Variants in PARP15 observed in about 807,000 individuals in gnomAD.
PARP15 encodes the protein protein mono-ADP-ribosyltransferase PARP15.
PARP15 carries 50 observed loss-of-function variants against 62.1 expected under a neutral mutation model. That is an observed-to-expected ratio of 0.81 (90% CI 0.64 to 1.02). The LOEUF is 1.02. PARP15 is among the 50% of genes least tolerant of loss of function. The pLI is 0.00. For synonymous variants in PARP15, 309 were observed against 293.1 expected, an observed-to-expected ratio of 1.05 and a Z score of -0.55; for missense variants, 820 against 826.5, an observed-to-expected ratio of 0.99 and a Z score of 0.10.
rs780268694 is a variant in PARP15, at chr3:122,615,821, A to G, written c.814A>G (p.Asn272Asp). ...CACTAACTGGTCAAGAATAAATCCC[A>G]ACAAGGCCAGGATTCCCATGGCAGG... ...EFTNWSRINP[N>D]KARIPMAGDT... The change falls in exon 5 of 12, where the codon AAC (asparagine) becomes GAC (aspartate). Residue 272 changes from asparagine (N) to aspartate (D), a missense_variant. Physicochemically the swap from Asn to Asp is conservative, Grantham distance 23. Around this residue, in one of 3 missense-constraint regions of PARP15, gnomAD observed 731 missense variants for 727.7 expected, o/e 1.00. Coordinates refer to ENST00000464300, the MANE Select transcript of PARP15 (RefSeq NM_001113523.3). The G allele has an allele frequency of 1.2e-6, 2 of 1,613,612 alleles. No homozygotes were observed. The highest frequency in any genetic ancestry group is 4.5e-5 in the East Asian group (2 of 44,892).
In PARP15 at chr3:122,635,869, C is replaced by T. The variant is rs61754895; in HGVS notation, c.1806C>T (p.Asp602=). ...FAVDASYSAK[D]TYSKPDSNGR... The stretch of plus-strand genomic sequence containing the variant: ...TGGATGCCAGTTATTCTGCCAAGGA[C>T]ACCTACTCCAAGCCAGACAGCAATG... Residue 602 remains aspartate, a synonymous_variant, in exon 12 of 12, where the codon GAC becomes GAT. Transcript: ENST00000464300. 0.22 allele frequency: 347,363 copies of T among 1,613,814 alleles called. 40,707 individuals carry two copies. Among genetic ancestry groups the T allele is most frequent in the Non-Finnish European group, 0.24 (283,310 of 1,179,838 alleles).
intron 1 of PARP15, among the ~76,000 whole-genome samples, chr3:122,593,272 A>G (rs1360903381): frequency 1.3e-5 from 2 of 151,948 alleles, no homozygotes; most frequent in Admixed American, 6.6e-5. Context: ...CCGAGTAGCT[A>G]GGATTACAGA....
rs143693307 is a variant in PARP15 at position 122,625,552 on chromosome 3, G to A, written c.1232-1275G>A. 7.2e-5 allele frequency among the ~76,000 whole-genome samples: 11 copies of A among 152,228 alleles called. No individual in the cohort carries two copies. The East Asian group carries it at 2.1e-3, about 29-fold the overall frequency. On this transcript the variant is annotated intron_variant, in intron 8 of 11. Transcript: ENST00000464300. ...TACAGGCGTGAGCACCTAGCCTGGA[G>A]ATAGGGTCTTTAAAGAGCTAATTAA...
intron 1 of PARP15, among the ~76,000 whole-genome samples, chr3:122,586,239 T>C (rs63675260): frequency 7.2e-6 from 1 of 138,338 alleles, no homozygotes; most frequent in Non-Finnish European, 1.6e-5. Context: ...TTTTTTTTTT[T>C]CCTATCACCT....
chr3:122,617,016 T>A lies in PARP15; in HGVS notation c.852T>A (p.Gly284=), dbSNP rs753975323. Residue 284 remains glycine, a splice_region_variant and synonymous_variant, in exon 6 of 12, where the codon GGT becomes GGA. Coordinates refer to ENST00000464300, the MANE Select transcript of PARP15 (RefSeq NM_001113523.3). The part of the protein sequence containing the change: ...ARIPMAGDTQ[G]VVGTVSKPCF... ...TTTACCTATTTTCTTTCTTTTCAGG[T>A]GTGGTCGGGACTGTCTCTAAGCCTT... The A allele has an allele frequency of 6.2e-7, 1 of 1,612,888 alleles. No individual in the cohort carries two copies. The highest frequency in any genetic ancestry group is 2.2e-5 in the East Asian group (1 of 44,864).
intron 9 of PARP15, among the ~76,000 whole-genome samples, chr3:122,628,056 C>CA (rs945739058): frequency 6.6e-5 from 10 of 152,220 alleles, no homozygotes; most frequent in African/African-American, 2.4e-4. Context: ...CTTCATCTCT[C>CA]ATTCTCTTCT....
chr3:122,620,693 G>A (rs539906843), intron 7 of PARP15, among the ~76,000 whole-genome samples: 1 of 142,624 alleles, frequency 7.0e-6, no homozygotes, highest in Admixed American at 6.9e-5. Flanking sequence ...AAGGTGGGCT[G>A]GACAAGCTGG....
chr3:122,579,805 C>T (rs1343663443), intron 1 of PARP15, among the ~76,000 whole-genome samples: 1 of 151,416 alleles, frequency 6.6e-6, no homozygotes, highest in Non-Finnish European at 1.5e-5. Context: ...ATGGTGAAAC[C>T]TCGTCTCTAC....
chr3:122,579,999 G>GTATATATA (rs59527124), intron 1 of PARP15, among the ~76,000 whole-genome samples: 5,835 of 62,236 alleles, frequency 0.094, 387 homozygotes, highest in African/African-American at 0.1. Flanking sequence ...GCAACTATAT[G>GTATATATA]TATATATATA....
intron 8 of PARP15, among the ~76,000 whole-genome samples, chr3:122,626,032 G>A (rs936090747): frequency 5.3e-5 from 8 of 152,104 alleles, no homozygotes; most frequent in African/African-American, 1.9e-4. Context: ...AATGGATTTG[G>A]GCTTGTTTTA....
chr3:122,590,947 C>G (rs1446919549), intron 1 of PARP15, among the ~76,000 whole-genome samples: 1 of 152,146 alleles, frequency 6.6e-6, no homozygotes, highest in Non-Finnish European at 1.5e-5. Context: ...AGTGGATGAT[C>G]GCCATCATTT....
chr3:122,588,376 T>A lies in PARP15; in HGVS notation c.186+10523T>A, dbSNP rs531490435. 3.8e-4 allele frequency among the ~76,000 whole-genome samples: 58 copies of A among 152,056 alleles called. No individual in the cohort carries two copies. In the South Asian group the frequency reaches 0.012, roughly 31 times the overall value. On this transcript the variant is annotated intron_variant, in intron 1 of 11. Transcript: ENST00000464300. ...TTTATTGATTTTTTTTTTTGGTTTATTGATTCTTGTTTTTTGGTACCAGCT... is the reference window on the plus strand; with the variant it reads ...TTTATTGATTTTTTTTTTTGGTTTAATGATTCTTGTTTTTTGGTACCAGCT...
chr3:122,581,716 T>C (rs1475740137), intron 1 of PARP15, among the ~76,000 whole-genome samples: 2 of 152,238 alleles, frequency 1.3e-5, no homozygotes, highest in African/African-American at 4.8e-5. Flanking sequence ...GTTGATTGTT[T>C]CCTTTGCTAT....
chr3:122,596,398 C>T (rs1014008652), intron 1 of PARP15, among the ~76,000 whole-genome samples: 30 of 141,898 alleles, frequency 2.1e-4, no homozygotes, highest in African/African-American at 7.4e-4. Context: ...CGTAACATGT[C>T]CTAAACAAAA....
chr3:122,584,911 C>T (rs543779182), intron 1 of PARP15, among the ~76,000 whole-genome samples: 3 of 152,146 alleles, frequency 2.0e-5, no homozygotes, highest in African/African-American at 7.2e-5. Context: ...TGTTAGGAAT[C>T]GGTGTTAAAT....
chr3:122,622,430 G>T (rs1000431364), intron 8 of PARP15, among the ~76,000 whole-genome samples: 8 of 152,076 alleles, frequency 5.3e-5, no homozygotes, highest in African/African-American at 1.9e-4. Flanking sequence ...TCCTTGCTTT[G>T]TTGTGTCCCC....
chr3:122,609,418 T>C (rs1405058675), intron 2 of PARP15, among the ~76,000 whole-genome samples: 1 of 151,992 alleles, frequency 6.6e-6, no homozygotes, highest in African/African-American at 2.4e-5. Flanking sequence ...AAAATCCACA[T>C]GATCAGGCTG....
At chr3:122,589,833 T>G (rs1933731417) in intron 1 of PARP15, among the ~76,000 whole-genome samples, 1 of 152,100 alleles carries the variant, frequency 6.6e-6, no homozygotes, top group East Asian at 1.9e-4. Flanking sequence ...GTCTTTTCAC[T>G]TTCTCATTCA....
intron 8 of PARP15, among the ~76,000 whole-genome samples, chr3:122,625,523 G>A (rs1559988163): frequency 6.6e-6 from 1 of 152,128 alleles, no homozygotes; most frequent in Non-Finnish European, 1.5e-5. Context: ...CAAAGTGCTG[G>A]GATTACAGGC....
Sources: gnomAD v4.1 joint callset for allele counts (sites outside exome capture counted in the v4.1 genomes callset) on GRCh38, gnomAD v4.1.1 for gene constraint, gnomAD v4.1.1 regional missense constraint, MANE v1.5 for transcripts, NCBI Gene and HGNC (gene_info 2026-07-23, HGNC 2026-07-21) for gene names.